Variants in PSD3 observed in about 807,000 individuals in gnomAD.
PSD3 encodes the protein PH and SEC7 domain-containing protein 3.
In PSD3, 49 loss-of-function variants were observed where a neutral mutation model predicts 105.5. The ratio of observed to expected loss-of-function variants is 0.46; its 90% CI spans 0.37 to 0.59. PSD3 has a LOEUF of 0.59. Ranked by LOEUF, PSD3 falls within the 20% of genes least tolerant of loss-of-function variation. The probability of loss-of-function intolerance (pLI) is 0.00; values close to 1 mark genes in which losing one functional copy is unlikely to be tolerated. For missense variants in PSD3, 1,561 were observed against 1,263.8 expected, an observed-to-expected ratio of 1.24 and a Z score of -3.57; for synonymous variants, 557 against 457.8, an observed-to-expected ratio of 1.22 and a Z score of -2.77.
intron 1 of PSD3, among the ~76,000 whole-genome samples, chr8:18,958,859 T>C (rs369006436): frequency 3.6e-4 from 54 of 152,070 alleles, no homozygotes; most frequent in East Asian, 1.7e-3. Flanking sequence ...TCATACTTAA[T>C]GGTGAAATTT....
chr8:18,984,127 G>A (rs1422462919), intron 1 of PSD3, among the ~76,000 whole-genome samples: 2 of 150,960 alleles, frequency 1.3e-5, no homozygotes, highest in Non-Finnish European at 2.9e-5. Flanking sequence ...GACACAAAGT[G>A]AGCACAGTGG....
chr8:19,001,942 GA>G, intron 1 of PSD3: 1 of 177,582 alleles, frequency 5.6e-6, no homozygotes, highest in Non-Finnish European at 1.2e-5. Context: ...CAGCGCCTTT[GA>G]GGCCGACTAA....
chr8:18,653,913 C>A (rs1198307244), intron 10 of PSD3, among the ~76,000 whole-genome samples: 1 of 152,140 alleles, frequency 6.6e-6, no homozygotes, highest in Non-Finnish European at 1.5e-5. Flanking sequence ...CTCTAGACTA[C>A]ATATTCTGCA....
chr8:18,994,971 G>C (rs1231538740), intron 1 of PSD3, among the ~76,000 whole-genome samples: 1 of 150,870 alleles, frequency 6.6e-6, no homozygotes, highest in Non-Finnish European at 1.5e-5. Flanking sequence ...ACCGCGTCCA[G>C]TCTAGAGCCA....
intron 9 of PSD3, chr8:18,683,749 A>G (rs765909166): frequency 2.6e-6 from 2 of 761,792 alleles, no homozygotes; most frequent in Non-Finnish European, 4.8e-6. Flanking sequence ...AGCTGTCAAT[A>G]AGGTTCAATG....
intron 2 of PSD3, among the ~76,000 whole-genome samples, chr8:18,911,303 A>T (rs1314821140): frequency 6.6e-6 from 1 of 152,256 alleles, no homozygotes; most frequent in East Asian, 1.9e-4. Context: ...AACAATTAAG[A>T]ACAAAGCCAG....
intron 1 of PSD3, among the ~76,000 whole-genome samples, chr8:18,969,397 C>T (rs1824493455): frequency 6.6e-6 from 1 of 152,196 alleles, no homozygotes; most frequent in Non-Finnish European, 1.5e-5. Flanking sequence ...CGTTCAATTG[C>T]ATAGAAATCA....
intron 9 of PSD3, among the ~76,000 whole-genome samples, chr8:18,699,167 G>C (rs1254232940): frequency 6.6e-6 from 1 of 152,112 alleles, no homozygotes; most frequent in African/African-American, 2.4e-5. Flanking sequence ...GTGAGTGAAA[G>C]CTATGTGTGC....
At chr8:19,065,145 G>C (rs543868537) in intron 1 of PSD3, among the ~76,000 whole-genome samples, 2 of 152,254 alleles carry the variant, frequency 1.3e-5, no homozygotes, top group Non-Finnish European at 2.9e-5. Context: ...TGACCAGTCT[G>C]CTTTTTGTTC....
At chr8:18,967,412 G>C (rs568097833) in intron 1 of PSD3, among the ~76,000 whole-genome samples, 54 of 152,170 alleles carry the variant, frequency 3.5e-4, no homozygotes, top group African/African-American at 1.3e-3. Context: ...CCAAAGTGCT[G>C]GGATTACAGG....
chr8:18,538,554 T>C (rs922979098), intron 15 of PSD3, among the ~76,000 whole-genome samples: 2 of 152,094 alleles, frequency 1.3e-5, no homozygotes, highest in South Asian at 2.1e-4. Context: ...AGTCTAAAGG[T>C]AAGTTTAAAA....
At chr8:18,685,029 T>G (rs1800589451) in intron 9 of PSD3, among the ~76,000 whole-genome samples, 1 of 152,206 alleles carries the variant, frequency 6.6e-6, no homozygotes, top group Non-Finnish European at 1.5e-5. Flanking sequence ...AAGCGTGTTC[T>G]CCAGATAAAG....
intron 11 of PSD3, among the ~76,000 whole-genome samples, chr8:18,626,304 T>C (rs1364931826): frequency 1.3e-5 from 2 of 151,824 alleles, no homozygotes; most frequent in South Asian, 2.1e-4. Context: ...TTGAGACAAG[T>C]GTATCAGCAT....
intron 6 of PSD3, chr8:18,802,200 C>T: frequency 9.4e-6 from 2 of 212,540 alleles, no homozygotes; most frequent in East Asian, 2.0e-4. Context: ...TAATTTATTC[C>T]TTACATAATG....
intron 9 of PSD3, among the ~76,000 whole-genome samples, chr8:18,746,465 C>G (rs1006783912): frequency 2.0e-5 from 3 of 152,196 alleles, no homozygotes; most frequent in African/African-American, 7.2e-5. Context: ...GGTACAAGCT[C>G]TAACACAGGT....
chr8:18,888,412 T>C (rs886483445), intron 2 of PSD3, among the ~76,000 whole-genome samples: 1 of 152,052 alleles, frequency 6.6e-6, no homozygotes, highest in Non-Finnish European at 1.5e-5. Flanking sequence ...GCTATTAATC[T>C]GGATTCCGTC....
At chr8:19,038,377 A>G (rs1186830489) in intron 1 of PSD3, among the ~76,000 whole-genome samples, 5 of 152,172 alleles carry the variant, frequency 3.3e-5, no homozygotes, top group Admixed American at 3.3e-4. Context: ...TTTATCACTC[A>G]AGAGAAGTCT....
chr8:18,596,000 T>G, intron 12 of PSD3, among the ~76,000 whole-genome samples: 1 of 152,062 alleles, frequency 6.6e-6, no homozygotes, highest in Non-Finnish European at 1.5e-5. Context: ...GATAAAATTC[T>G]AAGTTACAAA....
chr8:19,013,603 C>A lies in PSD3; in HGVS notation c.-20G>T. On this transcript the variant is annotated 5_prime_UTR_variant, in exon 1 of 16. Transcript: ENST00000327040. ...TTCCATCTTCCATCGCCAGCCCGGC[C>A]GCGCGCCGAAACCGCCGCCGGGCGC... 6.9e-7 allele frequency: 1 copy of A among 1,454,408 alleles called. No individual in the cohort carries two copies. The highest frequency in any genetic ancestry group is 9.0e-7 in the Non-Finnish European group (1 of 1,108,678). 90.1% of individuals were successfully genotyped at this position (1,454,408 alleles called of 1,614,324 possible).
Sources: gnomAD v4.1 joint callset for allele counts (sites outside exome capture counted in the v4.1 genomes callset) on GRCh38, gnomAD v4.1.1 for gene constraint, MANE v1.5 for transcripts, NCBI Gene and HGNC (gene_info 2026-07-23, HGNC 2026-07-21) for gene names.